NBPF12: variants seen among roughly 807,000 people sequenced by gnomAD.
The protein encoded by NBPF12 is NBPF member 12, also known as NBPF family member NBPF12.
In NBPF12, 115 loss-of-function variants were observed where a neutral mutation model predicts 146.4. The observed-to-expected ratio is 0.79, with a 90% CI of 0.68 to 0.92. NBPF12 has a LOEUF of 0.92. Among genes scored for constraint, NBPF12 ranks in the 40% least tolerant of loss-of-function variants. The pLI, the probability that NBPF12 is intolerant of heterozygous loss-of-function variation, is 0.00. For synonymous variants in NBPF12, 385 were observed against 508.9 expected, an observed-to-expected ratio of 0.76 and a Z score of 3.28; for missense variants, 1,205 against 1,326.8, an observed-to-expected ratio of 0.91 and a Z score of 1.43.
intron 19 of NBPF12, among the ~76,000 whole-genome samples, chr1:146,981,155 A>G (rs1657348022): frequency 2.3e-5 from 3 of 130,932 alleles, no homozygotes; most frequent in Non-Finnish European, 3.2e-5. Context: ...GAGGAGGGGT[A>G]GCATTAGGAG....
chr1:146,949,133 GCCGGCATGGGTCCT>G (rs1278058714), upstream of NBPF12, among the ~76,000 whole-genome samples: 979 of 116,786 alleles, frequency 8.4e-3, 12 homozygotes, highest in African/African-American at 0.026. Flanking sequence ...AGAGGCCAGT[GCCGGCATGGGTCCT>G]CCGGCATGGG....
chr1:146,981,290 A>ATATATATAT (rs1264698070), intron 19 of NBPF12, among the ~76,000 whole-genome samples: 3 of 107,702 alleles, frequency 2.8e-5, no homozygotes, highest in Non-Finnish European at 5.4e-5. Context: ...AAAAAAAAAA[A>ATATATATAT]AAAAATATAT....
upstream of NBPF12, among the ~76,000 whole-genome samples, chr1:146,945,427 G>T (rs1404784721): frequency 6.6e-6 from 1 of 151,708 alleles, no homozygotes; most frequent in Admixed American, 6.6e-5. Context: ...CTGTCTAGAT[G>T]ACTGAGGCTG....
intron 4 of NBPF12, among the ~76,000 whole-genome samples, chr1:146,961,784 C>T (rs1223857880): frequency 1.4e-4 from 22 of 151,804 alleles, no homozygotes; most frequent in Non-Finnish European, 3.1e-4. Flanking sequence ...GGGGCCTTCC[C>T]GACTGTACAA....
Position 146,964,351 on chromosome 1 carries a change from T to A in NBPF12, c.494-6T>A. 2.5e-6 allele frequency: 4 copies of A among 1,602,672 alleles called. No individual in the cohort carries two copies. The highest frequency in any genetic ancestry group is 3.4e-6 in the Non-Finnish European group (4 of 1,171,502). On this transcript the variant is annotated splice_polypyrimidine_tract_variant and splice_region_variant and intron_variant, in intron 6 of 33. Coordinates refer to ENST00000617844, the Ensembl canonical transcript of NBPF12. The stretch of plus-strand genomic sequence containing the variant: ...ACATATCTGAATGAACATTTTGTAT[T>A]TATAGAAAATGATGAAGATGAGGAT...
chr1:146,992,462 C>CTCTCTCTGTG (rs1450490306), intron 31 of NBPF12, among the ~76,000 whole-genome samples: 56 of 66,278 alleles, frequency 8.4e-4, no homozygotes, highest in African/African-American at 3.2e-3. Flanking sequence ...CTCTCTCTCT[C>CTCTCTCTGTG]TGTGTGTGTG....
chr1:146,961,183 A>C (rs1265764931), intron 4 of NBPF12, among the ~76,000 whole-genome samples: 58 of 151,978 alleles, frequency 3.8e-4, no homozygotes, highest in Non-Finnish European at 7.1e-4. Flanking sequence ...TCAAAAATAA[A>C]AATAAAAAGC....
exon 32 of NBPF12, chr1:146,992,713 C>T: frequency 1.5e-6 from 1 of 675,456 alleles, no homozygotes; most frequent in Non-Finnish European, 2.7e-6. Context: ...CTTTTCCAGG[C>T]TCAGCAGGGA....
chr1:146,976,684 A>G (rs1657055469), intron 16 of NBPF12, among the ~76,000 whole-genome samples: 1 of 151,760 alleles, frequency 6.6e-6, no homozygotes, highest in South Asian at 2.1e-4. Context: ...GCCTCCAGTG[A>G]TATGGGAAGC....
upstream of NBPF12, among the ~76,000 whole-genome samples, chr1:146,948,160 G>A (rs1310485659): frequency 1.3e-5 from 2 of 151,920 alleles, no homozygotes; most frequent in African/African-American, 2.4e-5. Context: ...ACAGGCGCCT[G>A]CTACCACACC....
At chr1:146,966,810 A>G (rs1385466895) in intron 9 of NBPF12, 137 bp downstream of exon 12, 6 of 664,016 alleles carry the variant, frequency 9.0e-6, no homozygotes, top group Non-Finnish European at 1.4e-5. Flanking sequence ...GTATTTTAAC[A>G]TTTTGTTAAA....
upstream of NBPF12, among the ~76,000 whole-genome samples, chr1:146,944,954 T>C (rs1332227043): frequency 3.7e-4 from 13 of 35,422 alleles, no homozygotes; most frequent in Non-Finnish European, 2.0e-4. Flanking sequence ...CTTCTTTTCT[T>C]CCTCCCTCCC....
chr1:146,939,334 T>C (rs1654687891), intron 1 of NBPF12, among the ~76,000 whole-genome samples: 1 of 151,970 alleles, frequency 6.6e-6, no homozygotes, highest in Admixed American at 6.6e-5. Context: ...GGCCGTTCCT[T>C]CTGGGAACTT....
At chr1:146,962,069 C>T in intron 4 of NBPF12, 92 bp from the exon 8 acceptor site, 1 of 1,147,566 alleles carries the variant, frequency 8.7e-7, no homozygotes, top group Non-Finnish European at 1.3e-6. Flanking sequence ...GAGTTTTGTC[C>T]TTGGGATGGA....
At chr1:146,969,872 T>G (rs1221202173) in intron 11 of NBPF12, among the ~76,000 whole-genome samples, 7 of 150,880 alleles carry the variant, frequency 4.6e-5, no homozygotes, top group African/African-American at 1.7e-4. Context: ...AAGGAGGCTG[T>G]GATGGGAGGG....
chr1:146,969,185 G>A (rs1230273961), intron 10 of NBPF12, among the ~76,000 whole-genome samples, 197 bp from the exon 14 acceptor site: 1 of 151,300 alleles, frequency 6.6e-6, no homozygotes, highest in African/African-American at 2.4e-5. Flanking sequence ...GATCTTGCAG[G>A]AGCCCTCTCT....
At chr1:146,960,388 G>T (rs1381648493) in intron 4 of NBPF12, 70 bp downstream of exon 7, 1 of 1,068,840 alleles carries the variant, frequency 9.4e-7, no homozygotes, top group Non-Finnish European at 1.4e-6. Flanking sequence ...GACACTAAAT[G>T]CTCTCTCCAT....
chr1:146,970,741 C>G, intron 12 of NBPF12, 22 bp downstream of exon 15: 2 of 1,316,294 alleles, frequency 1.5e-6, no homozygotes, highest in Non-Finnish European at 2.2e-6. Context: ...TACTCAGGAG[C>G]AAGTAATGGG....
In NBPF12 at chr1:146,964,890, C is replaced by T; in HGVS notation, c.567-3C>T. ...GTCATCTCTGTCCCACCTGGCTCAT[C>T]AGGGAGGTGCAGAAGGCTGAAGAGA... On this transcript the variant is annotated splice_region_variant and splice_polypyrimidine_tract_variant and intron_variant, in intron 7 of 33. Coordinates refer to ENST00000617844, the Ensembl canonical transcript of NBPF12. 1 of 1,582,218 alleles carries T rather than the reference C, an allele frequency of 6.3e-7. No individual in the cohort carries two copies. Among genetic ancestry groups the T allele is most frequent in the South Asian group, 1.1e-5 (1 of 90,542 alleles).
Sources: allele counts gnomAD v4.1 joint callset (sites outside exome capture counted in the v4.1 genomes callset), GRCh38; gene constraint gnomAD v4.1.1; transcripts MANE v1.5; gene names NCBI Gene and HGNC (gene_info 2026-07-23, HGNC 2026-07-21).